The following SHPRH variants were observed in gnomAD, a reference collection of about 807,000 sequenced individuals.
SHPRH encodes the protein E3 ubiquitin-protein ligase SHPRH.
SHPRH carries 106 observed loss-of-function variants against 202.5 expected under a neutral mutation model. That is an observed-to-expected ratio of 0.52 (90% CI 0.45 to 0.62). The LOEUF is 0.62. Ranked by LOEUF, SHPRH falls within the 20% of genes least tolerant of loss-of-function variation. The pLI is 0.00. For missense variants in SHPRH, 1,710 were observed against 2,020.0 expected (o/e 0.85, Z 2.94); for synonymous variants, 729 against 686.0 (o/e 1.06, Z -0.98).
chr6:145,870,931 C>T (rs1780029796), intron 2 of SHPRH: 1 of 152,086 alleles, frequency 6.6e-6, no homozygotes, highest in African/African-American at 2.4e-5. Flanking sequence ...TCTTCTTAGG[C>T]TCTTCATTCG....
chr6:145,957,362 G>C (rs1286996831), intron 1 of SHPRH, among the ~76,000 whole-genome samples: 1 of 151,938 alleles, frequency 6.6e-6, no homozygotes, highest in Non-Finnish European at 1.5e-5. Flanking sequence ...GATAAACTAA[G>C]TTTCATCAAA....
intron 25 of SHPRH, chr6:145,903,364 T>G (rs1293469168): frequency 6.6e-6 from 1 of 151,918 alleles, no homozygotes; most frequent in African/African-American, 2.4e-5. Context: ...AGAATAGAAT[T>G]CCACATGTAG....
intron 7 of SHPRH, among the ~76,000 whole-genome samples, chr6:145,945,874 A>G (rs1787318563): frequency 6.6e-6 from 1 of 152,146 alleles, no homozygotes; most frequent in Non-Finnish European, 1.5e-5. Context: ...AATTGTTAAT[A>G]CTATAAAACA....
chr6:145,873,132 A>T (rs1780130890), intron 2 of SHPRH, among the ~76,000 whole-genome samples: 1 of 152,142 alleles, frequency 6.6e-6, no homozygotes, highest in Admixed American at 6.5e-5. Context: ...GCACACATTT[A>T]CCTATGTAAC....
At chr6:145,936,496 T>A (rs1786084397) in intron 11 of SHPRH, among the ~76,000 whole-genome samples, 2 of 151,998 alleles carry the variant, frequency 1.3e-5, no homozygotes, top group South Asian at 4.1e-4. Context: ...CTGGCTAATT[T>A]TTTTATTTTC....
intron 8 of SHPRH, among the ~76,000 whole-genome samples, chr6:145,944,459 A>C (rs1043029119): frequency 3.9e-5 from 6 of 152,012 alleles, no homozygotes; most frequent in Non-Finnish European, 8.8e-5. Flanking sequence ...ATAGGCAGGT[A>C]GTTAATAGGG....
At chr6:145,950,842 C>G in intron 3 of SHPRH, among the ~76,000 whole-genome samples, 1 of 151,624 alleles carries the variant, frequency 6.6e-6, no homozygotes, top group Non-Finnish European at 1.5e-5. Context: ...TTTGTAGCCC[C>G]TCAGAGAAGC....
intron 9 of SHPRH, 41 bp from the exon 10 acceptor site, chr6:145,941,915 C>T (rs577981574): frequency 6.3e-7 from 1 of 1,598,140 alleles, no homozygotes; most frequent in South Asian, 1.1e-5. Context: ...CAAAAAGGCT[C>T]ACTAAAGGCA....
Position 145,935,140 on chromosome 6 carries a change from T to C in SHPRH, c.2757A>G (p.Glu919=). ...GAGAAAAGTGGAGCCAGTGTATTTC[T>C]TCGGTTTGTGGTGGTATTTGGATCT... ...IDQIQIPPQT[E]EIHWLHFSPV... Residue 919 remains glutamate, a synonymous_variant, in exon 13 of 30, where the codon GAA becomes GAG. Coordinates refer to ENST00000275233, the MANE Select transcript of SHPRH (RefSeq NM_001042683.3). 6.2e-7 allele frequency: 1 copy of C among 1,613,942 alleles called. No homozygotes were observed. The highest frequency in any genetic ancestry group is 8.5e-7 in the Non-Finnish European group (1 of 1,179,968).
At position 145,924,587 on chromosome 6, in the gene SHPRH, T is replaced by C. The variant is rs377548099; in HGVS notation, c.3402+152A>G. 1.4e-4 allele frequency: 80 copies of C among 575,126 alleles called. 2 individuals carry two copies. Among genetic ancestry groups the C allele is most frequent in the East Asian group, 3.9e-4 (14 of 35,534 alleles). The allele number at this position is 575,126 out of a possible 1,614,324, so 35.6% of individuals were successfully genotyped here. A position where few individuals can be genotyped will look rare whatever the true frequency, so the allele number is the denominator to read the frequency against. On this transcript the variant is annotated intron_variant, in intron 17 of 29. Coordinates refer to ENST00000275233, the MANE Select transcript of SHPRH (RefSeq NM_001042683.3). ...TCAACCAATAAATCATTGCTAACAGTAAAATAAACTTGTATTGTGGGTCAG... is the reference window on the plus strand; with the variant it reads ...TCAACCAATAAATCATTGCTAACAGCAAAATAAACTTGTATTGTGGGTCAG...
chr6:145,947,512 T>A lies in SHPRH; in HGVS notation c.1193A>T (p.Asp398Val), dbSNP rs1194895532. 1.9e-6 allele frequency: 3 copies of A among 1,612,742 alleles called. No individual in the cohort carries two copies. The highest frequency in any genetic ancestry group is 2.5e-6 in the Non-Finnish European group (3 of 1,179,132). Reference sequence around the variant, plus strand: ...TCCTACCTCGGGAAGAGTGAGAGCATCTTGCTTGACATCTTGTCGAGTATG... The same window carrying A: ...TCCTACCTCGGGAAGAGTGAGAGCAACTTGCTTGACATCTTGTCGAGTATG... ...LTHTRQDVKQ[D>V]ALTLPEGKVV... Residue 398 changes from aspartate to valine, a missense_variant, in exon 6 of 30, where the codon GAT becomes GTT. Around this residue, in one of 8 missense-constraint regions of SHPRH, gnomAD observed 348 missense variants for 356.9 expected, o/e 0.97. Coordinates refer to ENST00000275233, the MANE Select transcript of SHPRH (RefSeq NM_001042683.3).
At chr6:145,940,903 C>T (rs1454843106) in intron 10 of SHPRH, 102 bp from the exon 11 acceptor site, 3 of 1,110,328 alleles carry the variant, frequency 2.7e-6, no homozygotes, top group African/African-American at 3.1e-5. Context: ...AAAAGCTACA[C>T]TTCTGGTGAG....
intron 21 of SHPRH, 30 bp from the exon 22 acceptor site, chr6:145,919,521 G>A: frequency 6.2e-7 from 1 of 1,605,798 alleles, no homozygotes; most frequent in Non-Finnish European, 8.5e-7. Flanking sequence ...AAACACAGTG[G>A]TAAAGCATGT....
chr6:145,912,404 A>G (rs1293742826), intron 24 of SHPRH, among the ~76,000 whole-genome samples: 1 of 152,160 alleles, frequency 6.6e-6, no homozygotes, highest in African/African-American at 2.4e-5. Flanking sequence ...ACTAATGTAT[A>G]TGAAAGAACT....
rs139843139 is a variant in SHPRH at position 145,953,285 on chromosome 6, G to A, written c.634-807C>T. On this transcript the variant is annotated intron_variant, in intron 2 of 29. Transcript: ENST00000275233. ...ATGACAAAGAGTGTATTTCATTACT[G>A]CTAGTATTCTGTCTTGGCTCGCTTG... Among the ~76,000 whole-genome samples the A allele has an allele frequency of 2.3e-3, 345 of 152,120 alleles. 3 individuals carry two copies. Among genetic ancestry groups the A allele is most frequent in the African/African-American group, 7.8e-3 (323 of 41,528 alleles).
rs1000022509 is a variant in SHPRH at position 145,870,428 on chromosome 6, A to AT, written c.222-5938dup. Among the ~76,000 whole-genome samples the AT allele has an allele frequency of 6.6e-5, 10 of 151,502 alleles. No homozygotes were observed. The East Asian group carries it at 1.4e-3, about 21-fold the overall frequency. On this transcript the variant is annotated intron_variant, in intron 2 of 2. Transcript: ENST00000417762. ...AGGCACCCACCACCACACCCAGCTA[A>AT]TTTTTTTGTATTTTTAGTAGAGATG... is the stretch of plus-strand genomic sequence containing the variant.
At chr6:145,916,430 T>A (rs929389937) in intron 23 of SHPRH, among the ~76,000 whole-genome samples, 1 of 152,128 alleles carries the variant, frequency 6.6e-6, no homozygotes, top group Non-Finnish European at 1.5e-5. Context: ...GAAAAGCTTA[T>A]ATAAATTTAT....
chr6:145,909,638 A>G (rs1433692328), intron 25 of SHPRH: 1 of 152,130 alleles, frequency 6.6e-6, no homozygotes, highest in Non-Finnish European at 1.5e-5. Flanking sequence ...ACTCAGAAGG[A>G]ATTAATAAAG....
intron 11 of SHPRH, among the ~76,000 whole-genome samples, chr6:145,936,194 A>G (rs2128769707): frequency 6.6e-6 from 1 of 152,144 alleles, no homozygotes; most frequent in Admixed American, 6.5e-5. Flanking sequence ...ATTTGTGAGG[A>G]CTTAATGAAA....
Sources: allele counts gnomAD v4.1 joint callset (sites outside exome capture counted in the v4.1 genomes callset), GRCh38; gene constraint gnomAD v4.1.1; regional missense constraint gnomAD v4.1.1; transcripts MANE v1.5; gene names NCBI Gene and HGNC (gene_info 2026-07-23, HGNC 2026-07-21).